Variants in ENOX1 observed in about 807,000 individuals in gnomAD.
The protein encoded by ENOX1 is ecto-NOX disulfide-thiol exchanger 1.
A neutral mutation model predicts 82.5 loss-of-function variants in ENOX1; 42 were observed. The ratio of observed to expected loss-of-function variants is 0.51; its 90% CI spans 0.40 to 0.66. The LOEUF is 0.66. ENOX1 is among the 30% of genes least tolerant of loss of function. ENOX1 has a pLI of 0.00. For missense variants in ENOX1, 608 were observed against 811.6 expected (o/e 0.75, Z 3.05); for synonymous variants, 271 against 282.2 (o/e 0.96, Z 0.40).
chr13:43,377,174 C>A (rs539157076), intron 5 of ENOX1, among the ~76,000 whole-genome samples: 1 of 152,244 alleles, frequency 6.6e-6, no homozygotes, highest in South Asian at 2.1e-4. Flanking sequence ...AATGCTTTTA[C>A]CATGGGAGTG....
At chr13:43,433,778 C>T (rs117712496) in intron 3 of ENOX1, among the ~76,000 whole-genome samples, 13 of 152,290 alleles carry the variant, frequency 8.5e-5, no homozygotes, top group South Asian at 6.2e-4. Context: ...CCTGCTGGAA[C>T]GCACCTCAGA....
chr13:43,628,126 G>C (rs2083047660), intron 2 of ENOX1, among the ~76,000 whole-genome samples: 1 of 152,050 alleles, frequency 6.6e-6, no homozygotes, highest in South Asian at 2.1e-4. Context: ...TCTTGAATCT[G>C]TAGGTTTATA....
At chr13:43,262,291 AGTGGTT>A (rs1160899270) in intron 14 of ENOX1, among the ~76,000 whole-genome samples, 1 of 152,200 alleles carries the variant, frequency 6.6e-6, no homozygotes, top group Non-Finnish European at 1.5e-5. Context: ...AATAAAACAT[AGTGGTT>A]TTAAAAACAC....
At chr13:43,217,930 C>T (rs557160618) in intron 16 of ENOX1, among the ~76,000 whole-genome samples, 104 of 152,286 alleles carry the variant, frequency 6.8e-4, no homozygotes, top group Admixed American at 1.8e-3. Context: ...AAACAAATGA[C>T]GGTCCCCACT....
chr13:43,766,281 C>T lies in ENOX1; in HGVS notation c.-285+20371G>A, dbSNP rs115951292. ...GAGGGATCCTGAAGGTGCACAGGAGCAGTGATAATGGTCTCATATTTCAAC... is the reference window on the plus strand; with the variant it reads ...GAGGGATCCTGAAGGTGCACAGGAGTAGTGATAATGGTCTCATATTTCAAC... On this transcript the variant is annotated intron_variant, in intron 1 of 16. Coordinates refer to ENST00000690772, the MANE Select transcript of ENOX1 (RefSeq NM_001347969.2). Among the ~76,000 whole-genome samples the T allele has an allele frequency of 2.4e-3, 368 of 152,316 alleles. 1 individual carries two copies. Among genetic ancestry groups the T allele is most frequent in the African/African-American group, 8.4e-3 (349 of 41,566 alleles).
rs76518778 is a variant in ENOX1 at position 43,488,133 on chromosome 13, A to G, written c.-218-3981T>C. 1.5e-3 allele frequency among the ~76,000 whole-genome samples: 224 copies of G among 152,298 alleles called. 1 individual carries two copies. Among genetic ancestry groups the G allele is most frequent in the African/African-American group, 5.1e-3 (214 of 41,574 alleles). On this transcript the variant is annotated intron_variant, in intron 2 of 16. Coordinates refer to ENST00000690772, the MANE Select transcript of ENOX1 (RefSeq NM_001347969.2). The stretch of plus-strand genomic sequence containing the variant: ...CCTATACCCTCCCTGTTTCCTAGCC[A>G]TGGAAGGTCTAATCAAGGAGAGTTC...
intron 1 of ENOX1, among the ~76,000 whole-genome samples, chr13:43,688,475 T>C (rs1429691492): frequency 6.6e-6 from 1 of 152,194 alleles, no homozygotes; most frequent in East Asian, 1.9e-4. Flanking sequence ...AAGAAATGCT[T>C]AGCCTTTGCC....
At chr13:43,561,930 C>T (rs1388121328) in intron 2 of ENOX1, among the ~76,000 whole-genome samples, 2 of 148,188 alleles carry the variant, frequency 1.3e-5, no homozygotes, top group African/African-American at 5.0e-5. Flanking sequence ...AATAACACCG[C>T]TGCACTCCAT....
chr13:43,495,532 T>C (rs958515563), intron 2 of ENOX1, among the ~76,000 whole-genome samples: 6 of 152,038 alleles, frequency 3.9e-5, no homozygotes, highest in Admixed American at 1.3e-4. Context: ...AAACGACTAA[T>C]AACCTACTAC....
chr13:43,285,059 G>C (rs1261364000), intron 12 of ENOX1, among the ~76,000 whole-genome samples: 1 of 152,182 alleles, frequency 6.6e-6, no homozygotes, highest in Non-Finnish European at 1.5e-5. Context: ...CTGATCAATT[G>C]AGTGAGATGG....
At chr13:43,637,423 AGAT>A (rs1247243396) in intron 2 of ENOX1, among the ~76,000 whole-genome samples, 2 of 152,178 alleles carry the variant, frequency 1.3e-5, no homozygotes, top group African/African-American at 4.8e-5. Context: ...TATCTGCCAC[AGAT>A]GATACCAAAA....
At position 43,686,344 on chromosome 13, in the gene ENOX1, T is replaced by C. The variant is rs147603835; in HGVS notation, c.-284-18800A>G. Among the ~76,000 whole-genome samples the C allele has an allele frequency of 3.3e-3, 502 of 152,300 alleles. 1 individual carries two copies. Among genetic ancestry groups the C allele is most frequent in the Non-Finnish European group, 5.4e-3 (366 of 68,028 alleles). On this transcript the variant is annotated intron_variant, in intron 1 of 16. Transcript: ENST00000690772. ...ATGCATGCTATCAATTACTTCTGCT[T>C]ATCAGTGGTCAATGATATTTTCTAT...
intron 2 of ENOX1, among the ~76,000 whole-genome samples, chr13:43,495,799 T>C (rs537045691): frequency 2.0e-5 from 3 of 151,628 alleles, no homozygotes; most frequent in Non-Finnish European, 2.9e-5. Flanking sequence ...AGGAGCACGG[T>C]ACAAGAATTT....
At chr13:43,588,027 G>A (rs573209805) in intron 2 of ENOX1, among the ~76,000 whole-genome samples, 10 of 152,024 alleles carry the variant, frequency 6.6e-5, no homozygotes, top group African/African-American at 2.4e-4. Context: ...TTCTAACAAA[G>A]CAATGGAAAG....
chr13:43,246,362 G>A (rs1396919601), intron 14 of ENOX1, among the ~76,000 whole-genome samples: 1 of 152,202 alleles, frequency 6.6e-6, no homozygotes, highest in Non-Finnish European at 1.5e-5. Context: ...GGCGCTCTGT[G>A]ACCAAATCCC....
At chr13:43,469,572 T>C (rs1346968834) in intron 3 of ENOX1, among the ~76,000 whole-genome samples, 4 of 151,972 alleles carry the variant, frequency 2.6e-5, no homozygotes, top group Admixed American at 2.0e-4. Context: ...TAATAGTAGG[T>C]ATTTAAGATG....
At chr13:43,590,669 G>C (rs576243223) in intron 2 of ENOX1, among the ~76,000 whole-genome samples, 10 of 151,670 alleles carry the variant, frequency 6.6e-5, no homozygotes, top group South Asian at 4.2e-4. Context: ...CCAACTACTC[G>C]GAAGGCTGAG....
chr13:43,332,599 G>T (rs1451186796), intron 9 of ENOX1, among the ~76,000 whole-genome samples: 1 of 152,150 alleles, frequency 6.6e-6, no homozygotes, highest in African/African-American at 2.4e-5. Context: ...TGATCAAATT[G>T]TTCAAATAAA....
chr13:43,263,567 G>T (rs919332792), intron 14 of ENOX1, among the ~76,000 whole-genome samples: 1 of 152,226 alleles, frequency 6.6e-6, no homozygotes, highest in African/African-American at 2.4e-5. Flanking sequence ...GCTAGATACT[G>T]TGTTAGGCCT....
Sources: allele counts gnomAD v4.1 joint callset (sites outside exome capture counted in the v4.1 genomes callset), GRCh38; gene constraint gnomAD v4.1.1; transcripts MANE v1.5; gene names NCBI Gene and HGNC (gene_info 2026-07-23, HGNC 2026-07-21).